The following SIPA1L3 variants were observed in gnomAD, a reference collection of about 807,000 sequenced individuals.
SIPA1L3 encodes signal-induced proliferation-associated 1-like protein 3.
A neutral mutation model predicts 150.1 loss-of-function variants in SIPA1L3; 59 were observed. The observed-to-expected ratio is 0.39, with a 90% CI of 0.32 to 0.49. SIPA1L3 has a LOEUF of 0.49. Among genes scored for constraint, SIPA1L3 ranks in the 20% least tolerant of loss-of-function variants. The pLI is 0.86. For synonymous variants in SIPA1L3, 1,070 were observed against 1,077.6 expected (o/e 0.99, Z 0.14); for missense variants, 2,211 against 2,489.5 (o/e 0.89, Z 2.38).
At chr19:38,153,545 C>T (rs1971874613) in intron 13 of SIPA1L3, among the ~76,000 whole-genome samples, 1 of 151,900 alleles carries the variant, frequency 6.6e-6, no homozygotes, top group Non-Finnish European at 1.5e-5. Context: ...TGGCATGTAC[C>T]TGTAATCCCG....
intron 4 of SIPA1L3, among the ~76,000 whole-genome samples, chr19:38,099,614 CAG>C (rs1158824758): frequency 6.6e-6 from 1 of 152,168 alleles, no homozygotes; most frequent in Admixed American, 6.5e-5. Context: ...GAGTAGGACT[CAG>C]TGCCTCACAG....
In SIPA1L3 at chr19:38,112,082, C is replaced by T. The variant is rs529952651; in HGVS notation, c.2291+1698C>T. Among the ~76,000 whole-genome samples the T allele has an allele frequency of 2.8e-4, 41 of 146,642 alleles. No individual in the cohort carries two copies. In the Middle Eastern group the frequency reaches 0.015, roughly 53 times the overall value. On this transcript the variant is annotated intron_variant, in intron 8 of 21. Coordinates refer to ENST00000222345, the MANE Select transcript of SIPA1L3 (RefSeq NM_015073.3). The stretch of plus-strand genomic sequence containing the variant: ...CACACGTATGCACACACCATGCGTC[C>T]GCACATGCACACACCTACATGCACA...
chr19:37,946,078 G>A (rs931879063), intron 1 of SIPA1L3, among the ~76,000 whole-genome samples: 33 of 151,784 alleles, frequency 2.2e-4, no homozygotes, highest in Non-Finnish European at 4.0e-4. Flanking sequence ...TTGCTTGAAC[G>A]CGGGAGGCAG....
intron 2 of SIPA1L3, among the ~76,000 whole-genome samples, chr19:38,029,483 T>A (rs953940566): frequency 1.3e-5 from 2 of 152,258 alleles, no homozygotes; most frequent in African/African-American, 4.8e-5. Context: ...GTTTTGAAGA[T>A]CTTTGCTCAT....
At chr19:37,933,263 T>C (rs1039980604) in intron 1 of SIPA1L3, among the ~76,000 whole-genome samples, 2 of 151,920 alleles carry the variant, frequency 1.3e-5, no homozygotes, top group African/African-American at 4.8e-5. Flanking sequence ...CCCTGGCTGT[T>C]CCCTCTGCCT....
At chr19:38,011,978 G>C (rs1257875534) in intron 1 of SIPA1L3, among the ~76,000 whole-genome samples, 1 of 152,054 alleles carries the variant, frequency 6.6e-6, no homozygotes, top group Non-Finnish European at 1.5e-5. Context: ...AGGAGGGACA[G>C]GAAGGATTCT....
At chr19:38,086,133 A>G (rs1324483472) in intron 3 of SIPA1L3, among the ~76,000 whole-genome samples, 4 of 152,234 alleles carry the variant, frequency 2.6e-5, no homozygotes, top group Non-Finnish European at 5.9e-5. Flanking sequence ...TAGAGGATTT[A>G]GATAACCTAA....
At chr19:37,923,834 A>ACT (rs1455058167) in intron 1 of SIPA1L3, among the ~76,000 whole-genome samples, 1 of 151,298 alleles carries the variant, frequency 6.6e-6, no homozygotes, top group Non-Finnish European at 1.5e-5. Context: ...ATCTTAGCTC[A>ACT]CTGCAACCTC....
At chr19:37,926,356 C>A (rs916278573) in intron 1 of SIPA1L3, among the ~76,000 whole-genome samples, 1 of 152,202 alleles carries the variant, frequency 6.6e-6, no homozygotes, top group African/African-American at 2.4e-5. Flanking sequence ...TCCACGGGGA[C>A]CTCACCTGGC....
At position 38,207,519 on chromosome 19, in the gene SIPA1L3, A is replaced by G. The variant is rs955810269; in HGVS notation, c.*1279A>G. ...CACAGTCTGTGGATTCATCCCCCCAACCTCAAGCTGAGGACCAAGGCGTGT... is the reference window on the plus strand; with the variant it reads ...CACAGTCTGTGGATTCATCCCCCCAGCCTCAAGCTGAGGACCAAGGCGTGT... On this transcript the variant is annotated 3_prime_UTR_variant, in exon 22 of 22. Transcript: ENST00000222345. 1.3e-5 allele frequency: 2 copies of G among 151,298 alleles called. No individual in the cohort carries two copies. Among genetic ancestry groups the G allele is most frequent in the Non-Finnish European group, 2.9e-5 (2 of 67,866 alleles). The allele number at this position is 151,298 out of a possible 1,614,324, so 9.4% of individuals were successfully genotyped here.
intron 7 of SIPA1L3, among the ~76,000 whole-genome samples, chr19:38,107,498 T>C (rs568638458): frequency 6.6e-6 from 1 of 152,368 alleles, no homozygotes; most frequent in East Asian, 1.9e-4. Flanking sequence ...GCTCCTCTCT[T>C]GGACCCACCT....
chr19:37,989,519 C>T (rs1305167547), intron 1 of SIPA1L3, among the ~76,000 whole-genome samples: 1 of 152,132 alleles, frequency 6.6e-6, no homozygotes, highest in African/African-American at 2.4e-5. Context: ...CTCAGTGTAC[C>T]ACTGCACCCA....
intron 10 of SIPA1L3, among the ~76,000 whole-genome samples, chr19:38,133,512 G>A (rs369136136): frequency 6.6e-6 from 1 of 152,138 alleles, no homozygotes; most frequent in African/African-American, 2.4e-5. Flanking sequence ...TGAGAGAGAC[G>A]CACCATGTTC....
At chr19:38,130,393 G>C in intron 9 of SIPA1L3, 105 bp from the exon 10 acceptor site, 1 of 1,187,136 alleles carries the variant, frequency 8.4e-7, no homozygotes, top group Middle Eastern at 2.9e-4. Flanking sequence ...TTAATAGATG[G>C]GAGTTGGCAG....
chr19:38,020,570 G>A (rs761064695), intron 1 of SIPA1L3, among the ~76,000 whole-genome samples: 27 of 152,194 alleles, frequency 1.8e-4, no homozygotes, highest in South Asian at 6.2e-4. Flanking sequence ...CAGGATTTCC[G>A]CAGCCCCTGA....
Position 38,082,987 on chromosome 19 carries a change from G to A in SIPA1L3, c.1422G>A (p.Ser474=), listed in dbSNP as rs780595487. The change falls in exon 3 of 22, where the codon TCG becomes TCA. Residue 474 remains serine, a synonymous_variant. Transcript: ENST00000222345. ...LSAYRTNASI[S]VLEVPKEQQR... ...CCTACCGCACCAACGCCAGCATCTC[G>A]GTGTTGGAAGTTCCCAAGGAGCAGC... 2 of 1,613,124 alleles carry A rather than the reference G, an allele frequency of 1.2e-6. No individual in the cohort carries two copies. Among genetic ancestry groups the A allele is most frequent in the African/African-American group, 1.3e-5 (1 of 74,944 alleles).
At chr19:38,032,703 A>G (rs1374485885) in intron 2 of SIPA1L3, among the ~76,000 whole-genome samples, 2 of 152,082 alleles carry the variant, frequency 1.3e-5, no homozygotes, top group Non-Finnish European at 2.9e-5. Context: ...AATACAAAAA[A>G]ATTAGCCAAC....
chr19:38,149,002 A>G (rs1015626052), intron 12 of SIPA1L3, among the ~76,000 whole-genome samples: 2 of 152,202 alleles, frequency 1.3e-5, no homozygotes, highest in Non-Finnish European at 2.9e-5. Flanking sequence ...AGTTTGACCA[A>G]AATTGGACAG....
At chr19:38,154,725 C>T (rs1358367947) in intron 13 of SIPA1L3, among the ~76,000 whole-genome samples, 1 of 151,440 alleles carries the variant, frequency 6.6e-6, no homozygotes, top group Non-Finnish European at 1.5e-5. Flanking sequence ...GGATTACAGG[C>T]GTGAGCCACC....
Sources: gnomAD v4.1 joint callset for allele counts (sites outside exome capture counted in the v4.1 genomes callset) on GRCh38, gnomAD v4.1.1 for gene constraint, MANE v1.5 for transcripts, NCBI Gene and HGNC (gene_info 2026-07-23, HGNC 2026-07-21) for gene names.